Variants in FGF2 observed in about 807,000 individuals in gnomAD.
The protein encoded by FGF2 is fibroblast growth factor 2.
Under a neutral mutation model 15.9 loss-of-function variants are expected in FGF2, and 13 were observed. The ratio of observed to expected loss-of-function variants is 0.82; its 90% CI spans 0.53 to 1.30. FGF2 has a LOEUF of 1.30. Among genes scored for constraint, FGF2 ranks in the 50% most tolerant of loss-of-function variants. The probability of loss-of-function intolerance (pLI) is 0.00; values close to 1 mark genes in which losing one functional copy is unlikely to be tolerated. For synonymous variants in FGF2, 90 were observed against 78.4 expected (o/e 1.15, Z -0.78); for missense variants, 163 against 196.9 (o/e 0.83, Z 1.03).
At chr4:122,832,219 C>T (rs1560734900) in intron 1 of FGF2, among the ~76,000 whole-genome samples, 2 of 152,116 alleles carry the variant, frequency 1.3e-5, no homozygotes, top group South Asian at 2.1e-4. Context: ...GACCATGAAA[C>T]GGAGCAAGGC....
chr4:122,826,799 T>G, upstream of FGF2: 2 of 1,428,310 alleles, frequency 1.4e-6, no homozygotes, highest in Non-Finnish European at 1.9e-6. Context: ...GGGGTGGAGA[T>G]GTAGAAGATG....
chr4:122,855,438 A>C (rs1347500032), intron 1 of FGF2, among the ~76,000 whole-genome samples: 1 of 152,248 alleles, frequency 6.6e-6, no homozygotes, highest in East Asian at 1.9e-4. Context: ...AAATATCAGC[A>C]GTTTTGTTGA....
intron 1 of FGF2, among the ~76,000 whole-genome samples, chr4:122,862,240 A>G (rs308383): frequency 0.027 from 4,102 of 152,264 alleles, 115 homozygotes; most frequent in South Asian, 0.14. Flanking sequence ...CAAAAACCAT[A>G]TTCTTTCACC....
chr4:122,889,114 T>C (rs1332793184), intron 2 of FGF2, among the ~76,000 whole-genome samples: 1 of 152,224 alleles, frequency 6.6e-6, no homozygotes, highest in African/African-American at 2.4e-5. Flanking sequence ...GCAAAAGGTA[T>C]CCAAAATCTG....
intron 1 of FGF2, among the ~76,000 whole-genome samples, chr4:122,849,940 T>C (rs1478248551): frequency 1.3e-5 from 2 of 152,278 alleles, no homozygotes; most frequent in East Asian, 3.9e-4. Flanking sequence ...TGTTGAACAT[T>C]GTGTATGTTC....
Position 122,827,636 on chromosome 4 carries a change from G to A in FGF2, c.178+284G>A, listed in dbSNP as rs900900310. Among the ~76,000 whole-genome samples, 1 of 152,146 alleles carries A rather than the reference G, an allele frequency of 6.6e-6. No individual in the cohort carries two copies. The highest frequency in any genetic ancestry group is 1.5e-5 in the Non-Finnish European group (1 of 68,018). On this transcript the variant is annotated intron_variant, in intron 1 of 2. Coordinates refer to ENST00000644866, the MANE Select transcript of FGF2 (RefSeq NM_001361665.2). This position sits in a 1 kb window ranked among gnomAD's most constrained non-coding sequence, Gnocchi z 4.2. The stretch of plus-strand genomic sequence containing the variant: ...CGGCGCGCCGGGGCCTCGCGGACTG[G>A]CTGTCTTCCCGCGGACAACCTGTCG...
intron 1 of FGF2, among the ~76,000 whole-genome samples, chr4:122,833,551 C>T (rs958189844): frequency 1.3e-5 from 2 of 152,094 alleles, no homozygotes; most frequent in African/African-American, 2.4e-5. Context: ...ATTCTCTGTT[C>T]ATAATTTAGG....
At chr4:122,881,414 A>G (rs563984333) in intron 2 of FGF2, among the ~76,000 whole-genome samples, 11 of 152,278 alleles carry the variant, frequency 7.2e-5, no homozygotes, top group African/African-American at 2.6e-4. Flanking sequence ...AATGCCTTTA[A>G]CAGCACCCAA....
At chr4:122,834,911 A>G (rs1279706151) in intron 1 of FGF2, among the ~76,000 whole-genome samples, 1 of 152,186 alleles carries the variant, frequency 6.6e-6, no homozygotes, top group African/African-American at 2.4e-5. Flanking sequence ...TGGTGCAGAT[A>G]ACACCACTAT....
chr4:122,844,582 T>TTCCTTC (rs1560740307), intron 1 of FGF2, among the ~76,000 whole-genome samples: 3 of 117,244 alleles, frequency 2.6e-5, no homozygotes, highest in East Asian at 4.3e-4. Flanking sequence ...TTTCTTTCTT[T>TTCCTTC]CTTTCTTCCT....
intron 2 of FGF2, chr4:122,889,057 A>C (rs1324023079): frequency 1.3e-5 from 2 of 152,210 alleles, no homozygotes; most frequent in Non-Finnish European, 2.9e-5. Flanking sequence ...AAAGCAACAC[A>C]TAAACAAAAA....
chr4:122,855,226 A>T (rs548498493), intron 1 of FGF2, among the ~76,000 whole-genome samples: 1 of 152,196 alleles, frequency 6.6e-6, no homozygotes, highest in Non-Finnish European at 1.5e-5. Context: ...ATCACCCAAG[A>T]AGCATTTCGA....
chr4:122,833,929 T>C (rs1263194704), intron 1 of FGF2, among the ~76,000 whole-genome samples: 1 of 152,220 alleles, frequency 6.6e-6, no homozygotes, highest in Non-Finnish European at 1.5e-5. Context: ...AAAAATTGTT[T>C]AGAACTTTTA....
chr4:122,850,823 A>G (rs1015238862), intron 1 of FGF2, among the ~76,000 whole-genome samples: 4 of 152,170 alleles, frequency 2.6e-5, no homozygotes, highest in African/African-American at 7.2e-5. Flanking sequence ...AACACATTCA[A>G]TAGTTGTGAT....
At chr4:122,860,890 A>C (rs543971297) in intron 1 of FGF2, among the ~76,000 whole-genome samples, 2 of 152,352 alleles carry the variant, frequency 1.3e-5, no homozygotes, top group South Asian at 4.1e-4. Flanking sequence ...TCCGAGATCC[A>C]ATCCAGAATA....
chr4:122,852,464 A>G (rs1726254785), intron 1 of FGF2, among the ~76,000 whole-genome samples: 1 of 152,214 alleles, frequency 6.6e-6, no homozygotes, highest in Non-Finnish European at 1.5e-5. Flanking sequence ...CCAATGTCAC[A>G]TCAGTCAACA....
chr4:122,893,020 G>A lies in FGF2; in HGVS notation c.*624G>A, dbSNP rs1369606495. The A allele has an allele frequency of 6.2e-7, 1 of 1,614,124 alleles. No individual in the cohort carries two copies. The highest frequency in any genetic ancestry group is 1.3e-5 in the African/African-American group (1 of 75,038). Reference sequence around the variant, plus strand: ...GAGTTGTATTTTCAGTCTTCGCCAGGTCATTGAGATCCATCCACTCACATC... The same window carrying A: ...GAGTTGTATTTTCAGTCTTCGCCAGATCATTGAGATCCATCCACTCACATC... On this transcript the variant is annotated 3_prime_UTR_variant, in exon 3 of 3. Transcript: ENST00000644866.
chr4:122,839,697 A>G (rs772596088), intron 1 of FGF2, among the ~76,000 whole-genome samples: 3 of 151,882 alleles, frequency 2.0e-5, no homozygotes, highest in Non-Finnish European at 4.4e-5. Flanking sequence ...TGTCCATTTC[A>G]TTTCTGCAGC....
At position 122,896,967 on chromosome 4, in the gene FGF2, TATTTTTCG is replaced by T; in HGVS notation, c.*4576_*4583del. Reference sequence around the variant, plus strand: ...GGAATAGGTAGGAAAATTTGGTTTCTATTTTTCGATTTCCTGTAAATCAGTGACATAAA... The same window carrying T: ...GGAATAGGTAGGAAAATTTGGTTTCTATTTCCTGTAAATCAGTGACATAAA... On this transcript the variant is annotated 3_prime_UTR_variant, in exon 3 of 3. Transcript: ENST00000644866. 1 of 152,310 alleles carries T rather than the reference TATTTTTCG, an allele frequency of 6.6e-6. No individual in the cohort carries two copies. The highest frequency in any genetic ancestry group is 2.1e-4 in the South Asian group (1 of 4,812). The allele number at this position is 152,310 out of a possible 1,614,324, so 9.4% of individuals were successfully genotyped here.
Sources: gnomAD v4.1 joint callset for allele counts (sites outside exome capture counted in the v4.1 genomes callset) on GRCh38, gnomAD v4.1.1 for gene constraint, Gnocchi (gnomAD v3.1) non-coding constraint, MANE v1.5 for transcripts, NCBI Gene and HGNC (gene_info 2026-07-23, HGNC 2026-07-21) for gene names.